GALNT18: variants seen among roughly 807,000 people sequenced by gnomAD.
The protein encoded by GALNT18 is GalNAc-transferase 18.
GALNT18 carries 44 observed loss-of-function variants against 69.5 expected under a neutral mutation model. That is an observed-to-expected ratio of 0.63 (90% confidence interval 0.50 to 0.81). The LOEUF is 0.81. Among genes scored for constraint, GALNT18 ranks in the 40% least tolerant of loss-of-function variants. The pLI, the probability that GALNT18 is intolerant of heterozygous loss-of-function variation, is 0.00. For missense variants in GALNT18, 715 were observed against 810.0 expected, an observed-to-expected ratio of 0.88 and a Z score of 1.42; for synonymous variants, 364 against 318.2, an observed-to-expected ratio of 1.14 and a Z score of -1.53.
intron 6 of GALNT18, among the ~76,000 whole-genome samples, chr11:11,359,973 C>T (rs930611027): frequency 1.3e-5 from 2 of 152,140 alleles, no homozygotes; most frequent in African/African-American, 4.8e-5. Context: ...TAATAATACA[C>T]ACAAGTGATT....
At chr11:11,446,675 C>G (rs1184991951) in intron 2 of GALNT18, among the ~76,000 whole-genome samples, 1 of 152,226 alleles carries the variant, frequency 6.6e-6, no homozygotes, top group Admixed American at 6.5e-5. Context: ...ACCACTGCCT[C>G]TCACCTGGAA....
intron 3 of GALNT18, among the ~76,000 whole-genome samples, chr11:11,397,109 C>T (rs1205304571): frequency 6.6e-6 from 1 of 152,104 alleles, no homozygotes; most frequent in African/African-American, 2.4e-5. Context: ...CCAGAGACCA[C>T]CCATGGTTCT....
In GALNT18 at chr11:11,470,855, C is replaced by T. The variant is rs534193541; in HGVS notation, c.236-21919G>A. ...CCTCTGACCATCTGTGGCCCCAGGA[C>T]ACTACTGTGCTCAGTGGGATGTTTT... On this transcript the variant is annotated intron_variant, in intron 1 of 10. Coordinates refer to ENST00000227756, the MANE Select transcript of GALNT18 (RefSeq NM_198516.3). This position sits in a 1 kb window ranked among gnomAD's most constrained non-coding sequence, Gnocchi z 4.8. Among the ~76,000 whole-genome samples the T allele has an allele frequency of 6.6e-6, 1 of 152,302 alleles. No homozygotes were observed. The highest frequency in any genetic ancestry group is 2.1e-4 in the South Asian group (1 of 4,818).
At chr11:11,593,799 A>G (rs1418360970) in intron 1 of GALNT18, among the ~76,000 whole-genome samples, 1 of 152,008 alleles carries the variant, frequency 6.6e-6, no homozygotes, top group Admixed American at 6.6e-5. Context: ...TAAAATAAAA[A>G]TTTCCAGCCT....
In GALNT18 at chr11:11,372,159, A is replaced by C. The variant is rs1850922872; in HGVS notation, c.1092+356T>G. 6.6e-6 allele frequency among the ~76,000 whole-genome samples: 1 copy of C among 152,112 alleles called. No homozygotes were observed. The highest frequency in any genetic ancestry group is 1.5e-5 in the Non-Finnish European group (1 of 68,016). ...AAGTGAGAAATCCCAAGGGGAGCTG[A>C]CTCAGGGTCACTCTTGTCCAGCCAC... On this transcript the variant is annotated intron_variant, in intron 6 of 10. Coordinates refer to ENST00000227756, the MANE Select transcript of GALNT18 (RefSeq NM_198516.3). This position sits in a 1 kb window ranked among gnomAD's most constrained non-coding sequence, Gnocchi z 4.9.
At chr11:11,323,444 T>G (rs1407353788) in intron 9 of GALNT18, among the ~76,000 whole-genome samples, 6 of 152,168 alleles carry the variant, frequency 3.9e-5, no homozygotes, top group African/African-American at 1.4e-4. Flanking sequence ...CAAGTCAAAT[T>G]CCATTAGCTC....
In GALNT18 at chr11:11,450,253, A is replaced by G. The variant is rs950014000; in HGVS notation, c.236-1317T>C. Among the ~76,000 whole-genome samples the G allele has an allele frequency of 2.6e-5, 4 of 152,220 alleles. No individual in the cohort carries two copies. In the East Asian group the frequency reaches 7.7e-4, roughly 29 times the overall value. On this transcript the variant is annotated intron_variant, in intron 1 of 10. Transcript: ENST00000227756. ...CCCCTTGTTGGCCTGTATGGAGTCA[A>G]TGGGTGTATGACACACCTAGGTACA...
At chr11:11,581,171 G>C (rs1859071777) in intron 1 of GALNT18, among the ~76,000 whole-genome samples, 1 of 152,234 alleles carries the variant, frequency 6.6e-6, no homozygotes, top group Non-Finnish European at 1.5e-5. Flanking sequence ...GTGCCCTGAG[G>C]CCTGAGGTGG....
At chr11:11,420,287 G>A (rs891673009) in intron 3 of GALNT18, among the ~76,000 whole-genome samples, 3 of 152,140 alleles carry the variant, frequency 2.0e-5, no homozygotes, top group Non-Finnish European at 4.4e-5. Flanking sequence ...AACTCCTAGT[G>A]CTGTCTCTAG....
intron 1 of GALNT18, among the ~76,000 whole-genome samples, chr11:11,597,447 C>G (rs1052488522): frequency 1.3e-5 from 2 of 152,096 alleles, no homozygotes; most frequent in Non-Finnish European, 2.9e-5. Context: ...TTTTTTAAAT[C>G]ACTAATCAAT....
chr11:11,275,566 G>T (rs1049719317), intron 10 of GALNT18, among the ~76,000 whole-genome samples: 5 of 152,160 alleles, frequency 3.3e-5, no homozygotes, highest in African/African-American at 1.2e-4. Flanking sequence ...TTTGGCTTTT[G>T]CTGCCATTGC....
In GALNT18 at chr11:11,377,749, T is replaced by C. The variant is rs1853804904; in HGVS notation, c.780-370A>G. On this transcript the variant is annotated intron_variant, in intron 4 of 10. Coordinates refer to ENST00000227756, the MANE Select transcript of GALNT18 (RefSeq NM_198516.3). This position sits in a 1 kb window ranked among gnomAD's most constrained non-coding sequence, Gnocchi z 4.6. Reference sequence around the variant, plus strand: ...TGAGGCTCCAGAAAAAGCTTTCACCTTGGGCTTTGATTTTGCTAAAATTCT... The same window carrying C: ...TGAGGCTCCAGAAAAAGCTTTCACCCTGGGCTTTGATTTTGCTAAAATTCT... Among the ~76,000 whole-genome samples the C allele has an allele frequency of 1.3e-5, 2 of 152,104 alleles. No individual in the cohort carries two copies. The highest frequency in any genetic ancestry group is 4.8e-5 in the African/African-American group (2 of 41,428).
At chr11:11,416,085 T>C (rs1421082442) in intron 3 of GALNT18, among the ~76,000 whole-genome samples, 1 of 152,218 alleles carries the variant, frequency 6.6e-6, no homozygotes, top group Admixed American at 6.5e-5. Flanking sequence ...CAAATGAAAT[T>C]TGACAACACA....
chr11:11,285,912 T>A (rs545200108), intron 10 of GALNT18, among the ~76,000 whole-genome samples: 60 of 152,358 alleles, frequency 3.9e-4, no homozygotes, highest in African/African-American at 1.4e-3. Context: ...CAGAGCCAAT[T>A]GTCCCTTGAC....
At chr11:11,353,372 A>T (rs1022987342) in intron 6 of GALNT18, 1 of 589,526 alleles carries the variant, frequency 1.7e-6, no homozygotes, top group Non-Finnish European at 3.0e-6. Flanking sequence ...TTATCAGCTA[A>T]CTGGGCTCAT....
rs1372125572 is a variant in GALNT18 at position 11,595,537 on chromosome 11, G to T, written c.235+25822C>A. Among the ~76,000 whole-genome samples the T allele has an allele frequency of 6.6e-6, 1 of 152,142 alleles. No individual in the cohort carries two copies. The highest frequency in any genetic ancestry group is 2.4e-5 in the African/African-American group (1 of 41,424). ...ACACATTCTCTTCAATAGTGTATGAGGATTCCAACTTCTCCACATCCTCAC... is the reference window on the plus strand; with the variant it reads ...ACACATTCTCTTCAATAGTGTATGATGATTCCAACTTCTCCACATCCTCAC... On this transcript the variant is annotated intron_variant, in intron 1 of 10. Coordinates refer to ENST00000227756, the MANE Select transcript of GALNT18 (RefSeq NM_198516.3). The surrounding 1 kb of genome is among the most constrained non-coding windows in gnomAD (Gnocchi z 5.2).
chr11:11,510,797 G>T (rs1054897821), intron 1 of GALNT18, among the ~76,000 whole-genome samples: 2 of 152,196 alleles, frequency 1.3e-5, no homozygotes, highest in East Asian at 1.9e-4. Context: ...AAATCTCAGG[G>T]CTGGGCACAT....
chr11:11,351,803 T>C (rs913555976), intron 6 of GALNT18: 5 of 750,330 alleles, frequency 6.7e-6, no homozygotes, highest in Non-Finnish European at 2.1e-6. Flanking sequence ...TTTTTATGAC[T>C]GAACTACTAT....
At chr11:11,306,229 G>GTGTGTA (rs371850687) in intron 9 of GALNT18, among the ~76,000 whole-genome samples, 36,598 of 151,928 alleles carry the variant, frequency 0.24, 5,293 homozygotes, top group Middle Eastern at 0.39. Flanking sequence ...GTGCATGTGT[G>GTGTGTA]TGTGTATGTG....
Sources: gnomAD v4.1 joint callset for allele counts (sites outside exome capture counted in the v4.1 genomes callset) on GRCh38, gnomAD v4.1.1 for gene constraint, Gnocchi (gnomAD v3.1) non-coding constraint, MANE v1.5 for transcripts, NCBI Gene and HGNC (gene_info 2026-07-23, HGNC 2026-07-21) for gene names.